Variants in TAS2R1 observed in about 807,000 individuals in gnomAD.
TAS2R1 encodes taste receptor type 2 member 1.
For synonymous variants in TAS2R1, 141 were observed against 134.2 expected, an observed-to-expected ratio of 1.05 and a Z score of -0.35; for missense variants, 370 against 353.4, an observed-to-expected ratio of 1.05 and a Z score of -0.38.
the TAS2R1 span, among the ~76,000 whole-genome samples, chr5:9,814,708 G>C: frequency 6.6e-6 from 1 of 152,098 alleles, no homozygotes; most frequent in Non-Finnish European, 1.5e-5. Context: ...TGGTGACTCA[G>C]TGGACTAAGG....
chr5:9,713,312 G>A (rs1003247325), upstream of TAS2R1: 2 of 152,148 alleles, frequency 1.3e-5, no homozygotes, highest in African/African-American at 4.8e-5. Flanking sequence ...TAGTTTTACA[G>A]AATTACCATG....
chr5:9,714,689 T>A, upstream of TAS2R1, among the ~76,000 whole-genome samples: 1 of 152,244 alleles, frequency 6.6e-6, no homozygotes, highest in Non-Finnish European at 1.5e-5. Flanking sequence ...CTGACACTAT[T>A]CCTGCTGGTT....
chr5:9,833,745 T>A, the TAS2R1 span, among the ~76,000 whole-genome samples: 144 of 152,310 alleles, frequency 9.5e-4, no homozygotes, highest in African/African-American at 3.3e-3. Flanking sequence ...TAAATACAGT[T>A]GTATCACATG....
the TAS2R1 span, among the ~76,000 whole-genome samples, chr5:9,826,863 T>C: frequency 6.6e-6 from 1 of 152,156 alleles, no homozygotes; most frequent in Non-Finnish European, 1.5e-5. Flanking sequence ...TTGATTTTCC[T>C]GCCTTCTACT....
At chr5:9,671,006 T>C (rs1267680025) in intron 1 of TAS2R1, among the ~76,000 whole-genome samples, 1 of 152,206 alleles carries the variant, frequency 6.6e-6, no homozygotes, top group Non-Finnish European at 1.5e-5. Context: ...TCAATAAATG[T>C]GATTCACCAC....
the TAS2R1 span, among the ~76,000 whole-genome samples, chr5:9,789,080 C>T: frequency 2.0e-5 from 3 of 152,108 alleles, no homozygotes; most frequent in Non-Finnish European, 1.5e-5. Context: ...CAAAAATGAG[C>T]TAGTAGACAC....
At chr5:9,843,337 C>A in the TAS2R1 span, among the ~76,000 whole-genome samples, 1 of 152,146 alleles carries the variant, frequency 6.6e-6, no homozygotes, top group Non-Finnish European at 1.5e-5. Flanking sequence ...TTCTGACATG[C>A]CCTTATCCTT....
chr5:9,829,923 A>G, the TAS2R1 span, among the ~76,000 whole-genome samples: 1 of 152,246 alleles, frequency 6.6e-6, no homozygotes. Context: ...GACCAGAGAT[A>G]CTGCCTAGTC....
chr5:9,743,705 A>T, the TAS2R1 span, among the ~76,000 whole-genome samples: 3 of 152,196 alleles, frequency 2.0e-5, no homozygotes, highest in Non-Finnish European at 4.4e-5. Context: ...TGTACATAAC[A>T]TAGACTTGGC....
upstream of TAS2R1, among the ~76,000 whole-genome samples, chr5:9,717,110 G>A (rs959452486): frequency 2.6e-5 from 4 of 152,264 alleles, no homozygotes; most frequent in South Asian, 4.2e-4. Context: ...AGAGGGCCAC[G>A]AGGAAGCACA....
At chr5:9,895,615 C>T in the TAS2R1 span, among the ~76,000 whole-genome samples, 3 of 152,212 alleles carry the variant, frequency 2.0e-5, no homozygotes, top group Non-Finnish European at 4.4e-5. Flanking sequence ...ACTCTAGAAG[C>T]GGACAATAAC....
the TAS2R1 span, among the ~76,000 whole-genome samples, chr5:9,726,708 A>T: frequency 4.0e-4 from 61 of 152,344 alleles, no homozygotes; most frequent in South Asian, 1.7e-3. Flanking sequence ...CCGCGGCTTC[A>T]TTCTTGAAGT....
At chr5:9,635,037 A>G (rs1278362024), upstream of TAS2R1, among the ~76,000 whole-genome samples, 1 of 152,022 alleles carries the variant, frequency 6.6e-6, no homozygotes, top group Non-Finnish European at 1.5e-5. Context: ...TCTCAGGGAG[A>G]ATGCTTTCAA....
chr5:9,873,730 G>T, the TAS2R1 span, among the ~76,000 whole-genome samples: 1 of 151,948 alleles, frequency 6.6e-6, no homozygotes, highest in Admixed American at 6.6e-5. Flanking sequence ...TTAGCCGGTA[G>T]TGGTGGCCTG....
chr5:9,821,063 G>A, the TAS2R1 span, among the ~76,000 whole-genome samples: 6 of 152,150 alleles, frequency 3.9e-5, no homozygotes, highest in Non-Finnish European at 8.8e-5. Flanking sequence ...AGGTGGAGAG[G>A]GAGAAAGAGA....
At chr5:9,813,902 T>C in the TAS2R1 span, among the ~76,000 whole-genome samples, 1 of 152,300 alleles carries the variant, frequency 6.6e-6, no homozygotes, top group South Asian at 2.1e-4. Context: ...CTTTTCCCAT[T>C]TGCAGACCAT....
At chr5:9,755,652 A>G in the TAS2R1 span, among the ~76,000 whole-genome samples, 1 of 151,954 alleles carries the variant, frequency 6.6e-6, no homozygotes, top group Non-Finnish European at 1.5e-5. Context: ...CCATTGACAG[A>G]GCAGCCCCGC....
intron 2 of TAS2R1, among the ~76,000 whole-genome samples, chr5:9,656,008 C>G (rs1740410713): frequency 6.6e-6 from 1 of 152,044 alleles, no homozygotes; most frequent in Admixed American, 6.5e-5. Flanking sequence ...AATAGGAGCC[C>G]TGCTTTGCAA....
At chr5:9,749,230 A>G in the TAS2R1 span, among the ~76,000 whole-genome samples, 2,551 of 152,298 alleles carry the variant, frequency 0.017, 65 homozygotes, top group African/African-American at 0.056. Context: ...CCCTCTCATC[A>G]GTAAGACACA....
Sources: gnomAD v4.1 joint callset for allele counts (sites outside exome capture counted in the v4.1 genomes callset) on GRCh38, gnomAD v4.1.1 for gene constraint, MANE v1.5 for transcripts, NCBI Gene and HGNC (gene_info 2026-07-23, HGNC 2026-07-21) for gene names.